The following NFATC2 variants were observed in gnomAD, a reference collection of about 807,000 sequenced individuals.
NFATC2 encodes nuclear factor of activated T cells 2.
NFATC2 carries 22 observed loss-of-function variants against 87.3 expected under a neutral mutation model. The observed-to-expected ratio is 0.25, with a 90% CI of 0.18 to 0.36. NFATC2 has a LOEUF of 0.36. Ranked by LOEUF, NFATC2 falls within the 10% of genes least tolerant of loss-of-function variation. NFATC2 has a pLI of 1.00. For synonymous variants in NFATC2, 565 were observed against 542.2 expected, an observed-to-expected ratio of 1.04 and a Z score of -0.58; for missense variants, 1,149 against 1,259.1, an observed-to-expected ratio of 0.91 and a Z score of 1.32.
At chr20:51,488,973 G>A (rs1210744744) in intron 3 of NFATC2, among the ~76,000 whole-genome samples, 1 of 152,232 alleles carries the variant, frequency 6.6e-6, no homozygotes, top group African/African-American at 2.4e-5. Context: ...CGGATCACTT[G>A]AGGTCAGGAG....
chr20:51,498,971 G>C (rs569069075), intron 3 of NFATC2, among the ~76,000 whole-genome samples: 3 of 152,214 alleles, frequency 2.0e-5, no homozygotes, highest in African/African-American at 2.4e-5. Context: ...CCTGAGGCAG[G>C]AGCCTACCTG....
At chr20:51,535,355 C>G (rs1255346652) in intron 1 of NFATC2, among the ~76,000 whole-genome samples, 1 of 152,228 alleles carries the variant, frequency 6.6e-6, no homozygotes, top group Admixed American at 6.5e-5. Context: ...CACATCCCCT[C>G]GCACAGCCTG....
At chr20:51,499,420 A>G (rs1309669692) in intron 3 of NFATC2, among the ~76,000 whole-genome samples, 1 of 152,178 alleles carries the variant, frequency 6.6e-6, no homozygotes, top group Middle Eastern at 3.2e-3. Flanking sequence ...AAAGATCACA[A>G]GGCAAAGAGA....
chr20:51,394,535 C>T (rs1036297332), intron 10 of NFATC2, among the ~76,000 whole-genome samples: 2 of 151,792 alleles, frequency 1.3e-5, no homozygotes. Flanking sequence ...TTGGTGGCCA[C>T]CCCCAGCCCA....
At chr20:51,516,736 C>CT (rs2076356906) in intron 3 of NFATC2, 48 bp downstream of exon 3, 3 of 1,545,918 alleles carry the variant, frequency 1.9e-6, no homozygotes, top group Non-Finnish European at 2.6e-6. Context: ...AAGTGAATCT[C>CT]TTAGTGACAA....
intron 9 of NFATC2, among the ~76,000 whole-genome samples, chr20:51,426,298 C>T (rs1173232278): frequency 3.9e-5 from 6 of 152,032 alleles, no homozygotes; most frequent in African/African-American, 1.4e-4. Flanking sequence ...GCCACTATGG[C>T]GAAACCATGT....
chr20:51,530,049 C>T (rs1054787827), intron 1 of NFATC2, among the ~76,000 whole-genome samples: 9 of 152,130 alleles, frequency 5.9e-5, no homozygotes, highest in African/African-American at 2.2e-4. Context: ...AAATATGGAA[C>T]ATTTCCAAGA....
chr20:51,480,289 A>AAT lies in NFATC2; in HGVS notation c.1333-4630_1333-4629insAT, dbSNP rs1555803766. The stretch of plus-strand genomic sequence containing the variant: ...GGTCACAAAGCAAGACTCTGTCTCA[A>AAT]AAAAAATAGAATGTGCTTCCTGCCG... On this transcript the variant is annotated intron_variant, in intron 3 of 10. Coordinates refer to ENST00000371564, the MANE Select transcript of NFATC2 (RefSeq NM_012340.5). The surrounding 1 kb of genome is among the most constrained non-coding windows in gnomAD (Gnocchi z 4.2). 6.6e-6 allele frequency among the ~76,000 whole-genome samples: 1 copy of AAT among 151,578 alleles called. No individual in the cohort carries two copies. The highest frequency in any genetic ancestry group is 1.5e-5 in the Non-Finnish European group (1 of 67,930).
At chr20:51,454,131 T>C (rs1206423923) in intron 6 of NFATC2, among the ~76,000 whole-genome samples, 1 of 152,206 alleles carries the variant, frequency 6.6e-6, no homozygotes, top group Admixed American at 6.5e-5. Context: ...ATAGGTAATA[T>C]GCCTCGGATC....
chr20:51,415,251 A>G (rs1979883252), intron 9 of NFATC2, among the ~76,000 whole-genome samples: 1 of 148,584 alleles, frequency 6.7e-6, no homozygotes, highest in Non-Finnish European at 1.5e-5. Flanking sequence ...GTATCAAAAA[A>G]AAAAAAAAAA....
At position 51,561,016 on chromosome 20, in the gene NFATC2, G is replaced by A. The variant is rs143195119; in HGVS notation, c.70+1544C>T. ...TTAGGCTGACCTCCACCCCCACCAC[G>A]AGAACATCAAACACCCGGTTTCAGT... is the stretch of plus-strand genomic sequence containing the variant. On this transcript the variant is annotated intron_variant, in intron 1 of 10. Transcript: ENST00000414705. Among the ~76,000 whole-genome samples, 80 of 151,994 alleles carry A rather than the reference G, an allele frequency of 5.3e-4. No homozygotes were observed. The East Asian group carries it at 7.2e-3, about 14-fold the overall frequency.
intron 3 of NFATC2, among the ~76,000 whole-genome samples, chr20:51,511,104 C>A (rs1430024548): frequency 6.6e-6 from 1 of 152,162 alleles, no homozygotes; most frequent in Non-Finnish European, 1.5e-5. Flanking sequence ...AACATTCCAC[C>A]CACATTCCCA....
At chr20:51,445,903 C>T (rs770840478) in intron 6 of NFATC2, among the ~76,000 whole-genome samples, 4 of 152,166 alleles carry the variant, frequency 2.6e-5, no homozygotes, top group African/African-American at 4.8e-5. Context: ...ACACAGAGGT[C>T]GGATTTCAGC....
intron 3 of NFATC2, among the ~76,000 whole-genome samples, chr20:51,503,480 A>C (rs778342790): frequency 6.6e-6 from 1 of 152,166 alleles, no homozygotes; most frequent in Admixed American, 6.5e-5. Flanking sequence ...GGTAGGTCCC[A>C]TGACCATCTC....
chr20:51,513,744 G>A (rs955358832), intron 3 of NFATC2, among the ~76,000 whole-genome samples: 1 of 152,238 alleles, frequency 6.6e-6, no homozygotes, highest in Non-Finnish European at 1.5e-5. Context: ...CCAAGACAGG[G>A]CCAATCAGCA....
chr20:51,494,696 G>A (rs1348261245), intron 3 of NFATC2, among the ~76,000 whole-genome samples: 6 of 152,224 alleles, frequency 3.9e-5, no homozygotes, highest in Non-Finnish European at 8.8e-5. Context: ...TCCCGTGGCA[G>A]AGAGGTGACA....
At chr20:51,500,649 ACCCCCCCCT>A (rs2076064882) in intron 3 of NFATC2, among the ~76,000 whole-genome samples, 1 of 21,988 alleles carries the variant, frequency 4.5e-5, no homozygotes, top group Non-Finnish European at 9.5e-5. Context: ...CACCCTCACC[ACCCCCCCCT>A]CCACCCCCAC....
At chr20:51,442,905 G>C (rs1281676727) in intron 6 of NFATC2, among the ~76,000 whole-genome samples, 1 of 152,046 alleles carries the variant, frequency 6.6e-6, no homozygotes, top group Non-Finnish European at 1.5e-5. Context: ...CCCCCAAACA[G>C]GGAGGCAGGG....
At chr20:51,440,260 G>A (rs1183916713) in intron 6 of NFATC2, among the ~76,000 whole-genome samples, 2 of 102,134 alleles carry the variant, frequency 2.0e-5, no homozygotes, top group African/African-American at 9.5e-5. Context: ...AAAAAAAAAT[G>A]TTCAACAGAA....
Sources: gnomAD v4.1 joint callset for allele counts (sites outside exome capture counted in the v4.1 genomes callset) on GRCh38, gnomAD v4.1.1 for gene constraint, Gnocchi (gnomAD v3.1) non-coding constraint, MANE v1.5 for transcripts, NCBI Gene and HGNC (gene_info 2026-07-23, HGNC 2026-07-21) for gene names.